Variants in RNF212 observed in about 807,000 individuals in gnomAD.
RNF212 encodes probable E3 SUMO-protein ligase RNF212.
Under a neutral mutation model 34.7 loss-of-function variants are expected in RNF212, and 33 were observed. That is an observed-to-expected ratio of 0.95 (90% CI 0.72 to 1.27). The LOEUF (loss-of-function observed/expected upper bound fraction) is 1.27. Ranked by LOEUF, RNF212 falls within the 50% of genes most tolerant of loss-of-function variation. RNF212 has a pLI of 0.00. For missense variants in RNF212, 377 were observed against 362.2 expected (o/e 1.04, Z -0.33); for synonymous variants, 140 against 136.1 (o/e 1.03, Z -0.20).
chr4:1,082,407 G>A (rs2153043964), intron 5 of RNF212, among the ~76,000 whole-genome samples: 1 of 152,334 alleles, frequency 6.6e-6, no homozygotes, highest in African/African-American at 2.4e-5. Context: ...TGGACACACT[G>A]AGGTGCATGA....
intron 3 of RNF212, among the ~76,000 whole-genome samples, chr4:1,063,102 G>T (rs1318978024): frequency 6.6e-6 from 1 of 152,190 alleles, no homozygotes; most frequent in Non-Finnish European, 1.5e-5. Context: ...ATTGGAAGAT[G>T]CAGTGTTAGT....
exon 4 of RNF212, chr4:1,058,330 T>A: frequency 1.0e-6 from 1 of 965,492 alleles, no homozygotes; most frequent in Non-Finnish European, 1.2e-6. Context: ...CCTGAGAGGC[T>A]TTCCCATGCT....
At chr4:1,081,037 C>T (rs1479771821) in intron 7 of RNF212, among the ~76,000 whole-genome samples, 1 of 152,198 alleles carries the variant, frequency 6.6e-6, no homozygotes, top group Non-Finnish European at 1.5e-5. Context: ...TCAGGCCATC[C>T]CCCAGGTGAA....
rs567393520 is a variant in RNF212 at position 1,107,082 on chromosome 4, T to G, written c.171+1261A>C. On this transcript the variant is annotated intron_variant, in intron 2 of 9. Transcript: ENST00000433731. ...TTTTTTTTTTTTTTAGACTGAGTCT[T>G]GCTCTGTCGCCCAGGCTGGAGTGCA... is the stretch of plus-strand genomic sequence containing the variant. 9.9e-4 allele frequency among the ~76,000 whole-genome samples: 150 copies of G among 152,110 alleles called. 1 individual carries two copies. The highest frequency in any genetic ancestry group is 3.5e-3 in the African/African-American group (147 of 41,494).
At chr4:1,077,154 G>T (rs1192936991) in intron 8 of RNF212, among the ~76,000 whole-genome samples, 1 of 152,186 alleles carries the variant, frequency 6.6e-6, no homozygotes, top group African/African-American at 2.4e-5. Flanking sequence ...CTTGAACCCG[G>T]GAGGCGGAGG....
At chr4:1,065,868 C>T (rs1333471737) in intron 3 of RNF212, among the ~76,000 whole-genome samples, 1 of 151,284 alleles carries the variant, frequency 6.6e-6, no homozygotes, top group African/African-American at 2.4e-5. Flanking sequence ...TTACAGACAT[C>T]CGTGCCCGGC....
chr4:1,109,558 C>G (rs777933273), intron 1 of RNF212, among the ~76,000 whole-genome samples: 68 of 152,148 alleles, frequency 4.5e-4, no homozygotes, highest in Non-Finnish European at 7.8e-4. Flanking sequence ...GGTGGATTCA[C>G]AGACTTGAGG....
chr4:1,092,791 C>G (rs991584184), intron 3 of RNF212, among the ~76,000 whole-genome samples: 3 of 152,234 alleles, frequency 2.0e-5, no homozygotes, highest in East Asian at 1.9e-4. Flanking sequence ...ATCCTGCGAA[C>G]TGGGAGGCCG....
At chr4:1,101,275 CT>C in intron 2 of RNF212, 1 of 331,946 alleles carries the variant, frequency 3.0e-6, no homozygotes, top group Non-Finnish European at 5.9e-6. Context: ...TCTTTTGTCC[CT>C]TTCACTGATT....
intron 9 of RNF212, 83 bp from the exon 10 acceptor site, chr4:1,073,276 T>C: frequency 6.6e-7 from 1 of 1,505,498 alleles, no homozygotes; most frequent in Non-Finnish European, 8.9e-7. Context: ...GAGGGAGGGA[T>C]TCACTTTGAA....
intron 2 of RNF212, among the ~76,000 whole-genome samples, chr4:1,104,252 G>A (rs75250153): frequency 2.6e-5 from 4 of 152,310 alleles, no homozygotes; most frequent in African/African-American, 7.2e-5. Flanking sequence ...AAATTTATGC[G>A]GACATGCGAA....
chr4:1,104,205 G>A (rs1164657724), intron 2 of RNF212, among the ~76,000 whole-genome samples: 1 of 152,226 alleles, frequency 6.6e-6, no homozygotes, highest in African/African-American at 2.4e-5. Flanking sequence ...AATCCCAACA[G>A]GATTCTGTGT....
chr4:1,056,892 G>A, intron 4 of RNF212: 1 of 987,964 alleles, frequency 1.0e-6, no homozygotes, highest in African/African-American at 1.7e-5. Context: ...CGGGGGGGCA[G>A]CCTGGCCTGG....
At chr4:1,101,896 G>A (rs904509420) in intron 2 of RNF212, among the ~76,000 whole-genome samples, 1 of 152,228 alleles carries the variant, frequency 6.6e-6, no homozygotes. Context: ...CACTCATAAT[G>A]TGTGTACTTG....
At chr4:1,085,983 T>C (rs112857408) in intron 4 of RNF212, 29 bp from the exon 5 acceptor site, 1 of 1,501,532 alleles carries the variant, frequency 6.7e-7, no homozygotes, top group Non-Finnish European at 9.3e-7. Flanking sequence ...CCTCTTGTTA[T>C]CAGACAGGCT....
intron 2 of RNF212, among the ~76,000 whole-genome samples, chr4:1,106,120 G>C (rs1283077982): frequency 6.6e-6 from 1 of 152,212 alleles, no homozygotes; most frequent in African/African-American, 2.4e-5. Flanking sequence ...AGCTCCTATA[G>C]GGGGGTGAAG....
chr4:1,092,398 G>A (rs1722328492), intron 3 of RNF212, among the ~76,000 whole-genome samples: 1 of 152,134 alleles, frequency 6.6e-6, no homozygotes, highest in Non-Finnish European at 1.5e-5. Context: ...ATGAGCTTGG[G>A]GGGCAGCCAA....
chr4:1,058,699 C>T (rs1717528465), intron 3 of RNF212, among the ~76,000 whole-genome samples: 1 of 152,212 alleles, frequency 6.6e-6, no homozygotes, highest in African/African-American at 2.4e-5. Context: ...TCTGAATCAT[C>T]AGCAGCTGGA....
intron 5 of RNF212, chr4:1,085,562 T>C: frequency 5.0e-6 from 2 of 396,520 alleles, no homozygotes; most frequent in Non-Finnish European, 9.1e-6. Context: ...CCGCAGTCCC[T>C]GGCTGCAGGG....
Sources: gnomAD v4.1 joint callset for allele counts (sites outside exome capture counted in the v4.1 genomes callset) on GRCh38, gnomAD v4.1.1 for gene constraint, MANE v1.5 for transcripts, NCBI Gene and HGNC (gene_info 2026-07-23, HGNC 2026-07-21) for gene names.